The following RBMS1 variants were observed in gnomAD, a reference collection of about 807,000 sequenced individuals.
RBMS1 encodes RNA binding motif single stranded interacting protein 1, also known as RNA-binding motif, single-stranded-interacting protein 1.
RBMS1 carries 17 observed loss-of-function variants against 62.3 expected under a neutral mutation model. The observed-to-expected ratio is 0.27, with a 90% CI of 0.19 to 0.41. The LOEUF (loss-of-function observed/expected upper bound fraction) is 0.41. Among genes scored for constraint, RBMS1 ranks in the 10% least tolerant of loss-of-function variants. The pLI, the probability that RBMS1 is intolerant of heterozygous loss-of-function variation, is 1.00. For missense variants in RBMS1, 334 were observed against 504.5 expected (o/e 0.66, Z 3.24); for synonymous variants, 172 against 170.0 (o/e 1.01, Z -0.09).
chr2:160,341,536 G>C (rs1276552755), intron 2 of RBMS1, among the ~76,000 whole-genome samples: 1 of 152,134 alleles, frequency 6.6e-6, no homozygotes, highest in Non-Finnish European at 1.5e-5. Context: ...TCACTGTGAG[G>C]AGGGGAGAAT....
chr2:160,489,619 T>G (rs548747379), intron 1 of RBMS1, among the ~76,000 whole-genome samples: 201 of 152,300 alleles, frequency 1.3e-3, no homozygotes, highest in African/African-American at 4.7e-3. Context: ...TCATTTATTA[T>G]TTTCAGATTC....
At chr2:160,313,506 C>T (rs988437646) in intron 3 of RBMS1, among the ~76,000 whole-genome samples, 1 of 151,178 alleles carries the variant, frequency 6.6e-6, no homozygotes, top group Non-Finnish European at 1.5e-5. Flanking sequence ...TCTTACGTGT[C>T]TTGTATTTAC....
intron 1 of RBMS1, among the ~76,000 whole-genome samples, chr2:160,448,398 A>T (rs1387044302): frequency 6.6e-6 from 1 of 150,630 alleles, no homozygotes; most frequent in African/African-American, 2.4e-5. Flanking sequence ...CTCCCTGCCT[A>T]ATTCTCCTGC....
Position 160,318,229 on chromosome 2 carries a change from T to TAAAAAAAAA in RBMS1, c.252-11_252-3dup, listed in dbSNP as rs5835799. 1.2e-4 allele frequency: 137 copies of TAAAAAAAAA among 1,164,536 alleles called. No individual in the cohort carries two copies. The highest frequency in any genetic ancestry group is 4.4e-4 in the South Asian group (22 of 49,536). The allele number at this position is 1,164,536 out of a possible 1,614,324, so 72.1% of individuals were successfully genotyped here. A position where few individuals can be genotyped will look rare whatever the true frequency, so the allele number is the denominator to read the frequency against. ...TTTGTGGAGACTATTTTCCCATATC[T>TAAAAAAAAA]AAAAAAAAAAAAAAAAAAAAAAAGG... On this transcript the variant is annotated splice_polypyrimidine_tract_variant and splice_region_variant and intron_variant, in intron 2 of 13. Coordinates refer to ENST00000348849, the MANE Select transcript of RBMS1 (RefSeq NM_016836.4).
intron 1 of RBMS1, among the ~76,000 whole-genome samples, chr2:160,457,953 T>G (rs1684309956): frequency 6.6e-6 from 1 of 150,446 alleles, no homozygotes; most frequent in East Asian, 2.0e-4. Flanking sequence ...TATTGGTTTG[T>G]TTGTTGTTGT....
intron 6 of RBMS1, among the ~76,000 whole-genome samples, chr2:160,294,907 C>T (rs1688856936): frequency 6.6e-6 from 1 of 151,328 alleles, no homozygotes; most frequent in Non-Finnish European, 1.5e-5. Context: ...AATCATATGC[C>T]CTCCACAGAG....
chr2:160,273,452 T>C lies in RBMS1; in HGVS notation c.*1320A>G, dbSNP rs1687672791. 1 of 152,230 alleles carries C rather than the reference T, an allele frequency of 6.6e-6. No homozygotes were observed. Among genetic ancestry groups the C allele is most frequent in the Non-Finnish European group, 1.5e-5 (1 of 68,044 alleles). 9.4% of individuals were successfully genotyped at this position (152,230 alleles called of 1,614,324 possible). On this transcript the variant is annotated 3_prime_UTR_variant, in exon 14 of 14. Transcript: ENST00000348849. ...TGGTTACTGGCTCTTCGGTCTTTGG[T>C]GAAGTTACCTTTAAAAGTGCCAAGT...
chr2:160,467,200 G>A (rs1432408746), intron 1 of RBMS1, among the ~76,000 whole-genome samples: 1 of 150,436 alleles, frequency 6.6e-6, no homozygotes, highest in African/African-American at 2.4e-5. Flanking sequence ...TCATATGGGG[G>A]TAAAAAGAAA....
intron 1 of RBMS1, among the ~76,000 whole-genome samples, chr2:160,446,491 G>A (rs1010490469): frequency 2.6e-5 from 4 of 152,172 alleles, no homozygotes; most frequent in African/African-American, 9.7e-5. Flanking sequence ...ACACTTGAAG[G>A]TAGAGATTAT....
At chr2:160,342,653 C>T (rs575835201) in intron 2 of RBMS1, among the ~76,000 whole-genome samples, 15 of 151,836 alleles carry the variant, frequency 9.9e-5, no homozygotes, top group East Asian at 3.9e-4. Context: ...AGGTGGCTCA[C>T]GCCTGTAATC....
At chr2:160,444,382 A>G (rs1683552324) in intron 1 of RBMS1, among the ~76,000 whole-genome samples, 1 of 152,240 alleles carries the variant, frequency 6.6e-6, no homozygotes, top group Admixed American at 6.5e-5. Context: ...CTAAAAGCAC[A>G]AATATCTAGT....
chr2:160,360,727 A>T (rs1261880860), intron 2 of RBMS1, among the ~76,000 whole-genome samples: 1 of 152,170 alleles, frequency 6.6e-6, no homozygotes, highest in Non-Finnish European at 1.5e-5. Context: ...TTTAAGACTG[A>T]GATGTCATCT....
intron 1 of RBMS1, among the ~76,000 whole-genome samples, chr2:160,369,149 G>T (rs1354669135): frequency 6.6e-6 from 1 of 152,092 alleles, no homozygotes; most frequent in Admixed American, 6.5e-5. Context: ...TGGGAACATC[G>T]GTATTGCTTA....
In RBMS1 at chr2:160,308,064, C is replaced by T. The variant is rs375427356; in HGVS notation, c.403-4577G>A. ...TTCATTAGAGGAGAGTGGAAAGTGA[C>T]GGGTACCCTCCCTATCACCCAAGCA... On this transcript the variant is annotated intron_variant, in intron 4 of 13. Coordinates refer to ENST00000348849, the MANE Select transcript of RBMS1 (RefSeq NM_016836.4). Among the ~76,000 whole-genome samples, 20 of 152,078 alleles carry T rather than the reference C, an allele frequency of 1.3e-4. 1 individual carries two copies. The highest frequency in any genetic ancestry group is 3.4e-4 in the African/African-American group (14 of 41,380).
intron 2 of RBMS1, among the ~76,000 whole-genome samples, chr2:160,324,880 GTGTA>G (rs1308912724): frequency 0.043 from 3,277 of 75,924 alleles, 56 homozygotes; most frequent in Non-Finnish European, 0.066. Context: ...GTGTGTGTGT[GTGTA>G]TATATATATA....
At position 160,464,736 on chromosome 2, in the gene RBMS1, T is replaced by C. The variant is rs140790685; in HGVS notation, c.75+28553A>G. Among the ~76,000 whole-genome samples, 453 of 152,346 alleles carry C rather than the reference T, an allele frequency of 3.0e-3. 4 individuals are homozygous for C. The highest frequency in any genetic ancestry group is 0.01 in the African/African-American group (433 of 41,582). ...TTTCTTGAGTTCATTCAATTGCCCATTTACTTATGCATTTGACAAATATCT... is the reference window on the plus strand; with the variant it reads ...TTTCTTGAGTTCATTCAATTGCCCACTTACTTATGCATTTGACAAATATCT... On this transcript the variant is annotated intron_variant, in intron 1 of 13. Transcript: ENST00000348849.
chr2:160,440,190 G>A (rs1327305035), intron 1 of RBMS1, among the ~76,000 whole-genome samples: 1 of 151,856 alleles, frequency 6.6e-6, no homozygotes, highest in Non-Finnish European at 1.5e-5. Context: ...CTCACTGCAA[G>A]CTCTGCCTCC....
intron 1 of RBMS1, among the ~76,000 whole-genome samples, chr2:160,384,161 C>T (rs1189041359): frequency 6.6e-6 from 1 of 152,164 alleles, no homozygotes; most frequent in Non-Finnish European, 1.5e-5. Context: ...CGTGCCACCG[C>T]ACTCCAGCCT....
At chr2:160,388,036 G>A (rs564980597) in intron 1 of RBMS1, among the ~76,000 whole-genome samples, 2 of 152,138 alleles carry the variant, frequency 1.3e-5, no homozygotes, top group African/African-American at 4.8e-5. Context: ...GCCAAACAGG[G>A]TTCCAACTAA....
Sources: allele counts gnomAD v4.1 joint callset (sites outside exome capture counted in the v4.1 genomes callset), GRCh38; gene constraint gnomAD v4.1.1; transcripts MANE v1.5; gene names NCBI Gene and HGNC (gene_info 2026-07-23, HGNC 2026-07-21).